Variants in PHLPP1 observed in about 807,000 individuals in gnomAD.
PHLPP1 encodes the protein PH domain leucine-rich repeat-containing protein phosphatase 1.
A neutral mutation model predicts 117.2 loss-of-function variants in PHLPP1; 42 were observed. That is an observed-to-expected ratio of 0.36 (90% CI 0.28 to 0.46). The LOEUF (loss-of-function observed/expected upper bound fraction) is 0.46. Among genes scored for constraint, PHLPP1 ranks in the 20% least tolerant of loss-of-function variants. The probability of loss-of-function intolerance (pLI) is 1.00; values close to 1 mark genes in which losing one functional copy is unlikely to be tolerated. For synonymous variants in PHLPP1, 1,042 were observed against 970.7 expected, an observed-to-expected ratio of 1.07 and a Z score of -1.37; for missense variants, 2,084 against 2,241.9, an observed-to-expected ratio of 0.93 and a Z score of 1.42.
intron 13 of PHLPP1, among the ~76,000 whole-genome samples, chr18:62,960,358 T>C (rs1910732119): frequency 6.6e-6 from 1 of 152,170 alleles, no homozygotes; most frequent in African/African-American, 2.4e-5. Flanking sequence ...AAGAAATCAG[T>C]ACATGTAGAT....
chr18:62,748,474 T>C (rs910106501), intron 1 of PHLPP1, among the ~76,000 whole-genome samples: 4 of 152,170 alleles, frequency 2.6e-5, no homozygotes, highest in African/African-American at 9.7e-5. Flanking sequence ...CTGGAACTCC[T>C]GGGCTCAAGC....
At position 62,958,657 on chromosome 18, in the gene PHLPP1, G is replaced by C. The variant is rs9950585; in HGVS notation, c.3353G>C (p.Ser1118Thr). The C allele has an allele frequency of 1.6e-4, 266 of 1,613,886 alleles. No homozygotes were observed. In the African/African-American group the frequency reaches 3.3e-3, roughly 20 times the overall value. ...KCVDLSCNELSEVTLPENLPP... is the reference protein window; with the variant it reads ...KCVDLSCNELTEVTLPENLPP... ...GTGGACCTGAGCTGTAATGAGCTAA[G>C]TGAAGTCACATTACCAGAAAACCTG... Residue 1118 changes from serine to threonine, a missense_variant, in exon 13 of 17, where the codon AGT becomes ACT. By Grantham distance (58) the Ser-to-Thr change is moderately conservative. This residue lies in a region of PHLPP1 where 1,365 missense variants were observed against 1,605.9 expected (regional missense o/e 0.85). Transcript: ENST00000262719.
intron 4 of PHLPP1, among the ~76,000 whole-genome samples, chr18:62,888,443 G>A (rs1916339081): frequency 1.3e-5 from 2 of 151,942 alleles, no homozygotes; most frequent in Non-Finnish European, 2.9e-5. Flanking sequence ...ACTCACACCT[G>A]TAATCCCAGT....
At chr18:62,753,650 A>G (rs1469935825) in intron 1 of PHLPP1, among the ~76,000 whole-genome samples, 1 of 152,226 alleles carries the variant, frequency 6.6e-6, no homozygotes, top group African/African-American at 2.4e-5. Flanking sequence ...TTGAGACAGG[A>G]GCATGCCCTG....
intron 1 of PHLPP1, among the ~76,000 whole-genome samples, chr18:62,826,489 G>C (rs554007176): frequency 6.6e-6 from 1 of 152,280 alleles, no homozygotes; most frequent in South Asian, 2.1e-4. Context: ...TACATTTTTA[G>C]AGGTTTTGCT....
intron 1 of PHLPP1, among the ~76,000 whole-genome samples, chr18:62,819,212 C>A (rs1914375547): frequency 6.6e-6 from 1 of 152,040 alleles, no homozygotes; most frequent in African/African-American, 2.4e-5. Flanking sequence ...TTCTAAGGTT[C>A]TTAAATTGTA....
chr18:62,860,526 A>G lies in PHLPP1; in HGVS notation c.1991A>G (p.His664Arg). Residue 664 changes from histidine (H) to arginine (R), a missense_variant, in exon 4 of 17, where the codon CAT becomes CGT. By Grantham distance (29) the His-to-Arg change is conservative. Coordinates refer to ENST00000262719, the MANE Select transcript of PHLPP1 (RefSeq NM_194449.4). ...ANLFYSQDLTHLNLKQNFLRQ... is the reference protein window; with the variant it reads ...ANLFYSQDLTRLNLKQNFLRQ... ...CTCTTCTACAGCCAAGACCTCACTC[A>G]TCTCAATTTAAAACAAAACTTCCTA... 1 of 1,613,870 alleles carries G rather than the reference A, an allele frequency of 6.2e-7. No homozygotes were observed. The highest frequency in any genetic ancestry group is 8.5e-7 in the Non-Finnish European group (1 of 1,179,820).
At chr18:62,918,022 T>C (rs1599119822) in intron 9 of PHLPP1, among the ~76,000 whole-genome samples, 1 of 151,852 alleles carries the variant, frequency 6.6e-6, no homozygotes, top group East Asian at 2.0e-4. Context: ...CTGACCAACA[T>C]GGTGAAACCC....
intron 10 of PHLPP1, 68 bp downstream of exon 10, chr18:62,920,182 G>A (rs78168770): frequency 3.8e-5 from 53 of 1,394,102 alleles, no homozygotes; most frequent in Middle Eastern, 2.1e-4. Flanking sequence ...TTTGTCTTTC[G>A]TGACCTGAGA....
rs35265223 is a variant in PHLPP1, at chr18:62,882,946, TAAAAAAAA to T, written c.2067-12056_2067-12049del. 7.0e-3 allele frequency among the ~76,000 whole-genome samples: 852 copies of T among 121,526 alleles called. 13 individuals carry two copies. Among genetic ancestry groups the T allele is most frequent in the African/African-American group, 0.026 (810 of 31,686 alleles). The allele number at this position is 121,526 out of a possible 152,430, so 79.7% of individuals were successfully genotyped here. ...TTTTTGAGAGAGCAAGACCACATCT[TAAAAAAAA>T]AAAAAAAAGAAAAAAAGAAAGGATG... On this transcript the variant is annotated intron_variant, in intron 4 of 16. Transcript: ENST00000262719.
intron 1 of PHLPP1, among the ~76,000 whole-genome samples, chr18:62,739,476 A>G (rs529416506): frequency 1.3e-5 from 2 of 152,246 alleles, no homozygotes; most frequent in Admixed American, 6.5e-5. Flanking sequence ...GTGGGTACAT[A>G]TACAACAGTT....
intron 3 of PHLPP1, among the ~76,000 whole-genome samples, chr18:62,849,518 A>G (rs1174660076): frequency 1.3e-5 from 2 of 151,502 alleles, no homozygotes; most frequent in South Asian, 2.1e-4. Context: ...AAAATTAGCC[A>G]GGCATTGTGG....
chr18:62,772,893 AAAC>A (rs946158201), intron 1 of PHLPP1, among the ~76,000 whole-genome samples: 5 of 151,776 alleles, frequency 3.3e-5, no homozygotes, highest in Admixed American at 2.0e-4. Context: ...TCCAAGAAAA[AAAC>A]AAGTAACAAA....
At position 62,795,508 on chromosome 18, in the gene PHLPP1, A is replaced by C. The variant is rs554909753; in HGVS notation, c.1577-34527A>C. On this transcript the variant is annotated intron_variant, in intron 1 of 16. Transcript: ENST00000262719. Reference sequence around the variant, plus strand: ...ACTCCATCTCAAAAAAAAAAAAAAAAAAAAACAACAACAAAAATTGTAAAA... The same window carrying C: ...ACTCCATCTCAAAAAAAAAAAAAAACAAAAACAACAACAAAAATTGTAAAA... Among the ~76,000 whole-genome samples, 1,289 of 151,548 alleles carry C rather than the reference A, an allele frequency of 8.5e-3. 9 individuals carry two copies. The highest frequency in any genetic ancestry group is 0.012 in the Non-Finnish European group (813 of 67,836).
intron 3 of PHLPP1, among the ~76,000 whole-genome samples, chr18:62,860,169 T>A (rs531780984): frequency 6.6e-6 from 1 of 152,336 alleles, no homozygotes; most frequent in East Asian, 1.9e-4. Flanking sequence ...TGTGTTGTGC[T>A]ATGACATTAT....
chr18:62,930,674 G>T (rs555241080), intron 10 of PHLPP1, among the ~76,000 whole-genome samples: 1 of 152,134 alleles, frequency 6.6e-6, no homozygotes, highest in Non-Finnish European at 1.5e-5. Flanking sequence ...ACTTAAATTT[G>T]ACATTTGACC....
chr18:62,930,493 G>A (rs1909776317), intron 10 of PHLPP1, among the ~76,000 whole-genome samples: 1 of 152,064 alleles, frequency 6.6e-6, no homozygotes, highest in South Asian at 2.1e-4. Flanking sequence ...ATAATAAAGG[G>A]TTCGATTCAA....
intron 10 of PHLPP1, 145 bp downstream of exon 10, chr18:62,920,259 T>A: frequency 1.2e-6 from 1 of 802,866 alleles, no homozygotes; most frequent in Non-Finnish European, 2.0e-6. Flanking sequence ...CCAGCCACTT[T>A]ACTGACCATT....
rs566824646 is a variant in PHLPP1 at position 62,772,241 on chromosome 18, A to G, written c.1576+54982A>G. On this transcript the variant is annotated intron_variant, in intron 1 of 16. Transcript: ENST00000262719. ...GGAAGGTTATGTAATGTTGTGGGTA[A>G]TGCAATAAGAAAACTAAAGGATGAT... Among the ~76,000 whole-genome samples the G allele has an allele frequency of 8.5e-5, 13 of 152,342 alleles. No individual in the cohort carries two copies. In the South Asian group the frequency reaches 2.1e-3, roughly 24 times the overall value.
Sources: allele counts gnomAD v4.1 joint callset (sites outside exome capture counted in the v4.1 genomes callset), GRCh38; gene constraint gnomAD v4.1.1; regional missense constraint gnomAD v4.1.1; transcripts MANE v1.5; gene names NCBI Gene and HGNC (gene_info 2026-07-23, HGNC 2026-07-21).